The following TPRG1 variants were observed in gnomAD, a reference collection of about 807,000 sequenced individuals.
The protein encoded by TPRG1 is tumor protein p63 regulated 1, also known as tumor protein p63-regulated gene 1 protein.
Under a neutral mutation model 29.3 loss-of-function variants are expected in TPRG1, and 29 were observed. That is an observed-to-expected ratio of 0.99 (90% confidence interval 0.74 to 1.35). TPRG1 has a LOEUF of 1.35. TPRG1 is among the 40% of genes most tolerant of loss of function. The pLI, the probability that TPRG1 is intolerant of heterozygous loss-of-function variation, is 0.00. For missense variants in TPRG1, 327 were observed against 335.0 expected (o/e 0.98, Z 0.19); for synonymous variants, 130 against 116.8 (o/e 1.11, Z -0.73).
intron 1 of TPRG1, among the ~76,000 whole-genome samples, chr3:189,178,931 G>A (rs551800123): frequency 6.6e-6 from 1 of 152,312 alleles, no homozygotes; most frequent in Admixed American, 6.5e-5. Flanking sequence ...AAAGGAATTA[G>A]AACTCAGTGT....
chr3:189,251,482 C>G lies in TPRG1; in HGVS notation c.479+12573C>G. ...AAGTATAGAGAAAGAAATAAGGGGGCCCAGGGGACCAGCGTTCAGCATACG... is the reference window on the plus strand; with the variant it reads ...AAGTATAGAGAAAGAAATAAGGGGGGCCAGGGGACCAGCGTTCAGCATACG... On this transcript the variant is annotated intron_variant, in intron 4 of 5. Transcript: ENST00000345063. Among the ~76,000 whole-genome samples, 3 of 152,154 alleles carry G rather than the reference C, an allele frequency of 2.0e-5. No individual in the cohort carries two copies. In the Middle Eastern group the frequency reaches 0.01, roughly 518 times the overall value.
intron 4 of TPRG1, among the ~76,000 whole-genome samples, chr3:189,261,395 G>A (rs1022551417): frequency 1.3e-5 from 2 of 151,490 alleles, no homozygotes; most frequent in African/African-American, 4.9e-5. Context: ...GGCTTCAGAG[G>A]TGGTTTGTGG....
chr3:189,043,338 G>A lies in TPRG1; in HGVS notation c.-463+19392G>A, dbSNP rs1714751711. On this transcript the variant is annotated intron_variant, in intron 4 of 10. Transcript: ENST00000433971. ...CAAAGACCCTGAGGCTTGGAATGAG[G>A]AGTGTCAGATTGTGGAGATGCTTTC... Among the ~76,000 whole-genome samples the A allele has an allele frequency of 2.6e-5, 4 of 152,152 alleles. No individual in the cohort carries two copies. The South Asian group carries it at 8.3e-4, about 32-fold the overall frequency.
Position 189,215,334 on chromosome 3 carries a change from G to C in TPRG1, c.253G>C (p.Val85Leu). The C allele has an allele frequency of 1.2e-6, 2 of 1,611,878 alleles. No individual in the cohort carries two copies. Among genetic ancestry groups the C allele is most frequent in the Non-Finnish European group, 1.7e-6 (2 of 1,179,094 alleles). Reference sequence around the variant, plus strand: ...TGCCATGGAAGACTTGAAAGGTCACGTAGCTGAGACTTCTGGAGAGACCAT... The same window carrying C: ...TGCCATGGAAGACTTGAAAGGTCACCTAGCTGAGACTTCTGGAGAGACCAT... The part of the protein sequence containing the change: ...ETAMEDLKGH[V>L]AETSGETIQG... Residue 85 changes from valine to leucine, a missense_variant, in exon 3 of 6, where the codon GTA becomes CTA. Transcript: ENST00000345063.
chr3:189,199,580 C>T (rs1733117698), intron 1 of TPRG1, among the ~76,000 whole-genome samples: 1 of 152,238 alleles, frequency 6.6e-6, no homozygotes, highest in Non-Finnish European at 1.5e-5. Flanking sequence ...TGGCTTACGC[C>T]TGTAATCCCA....
chr3:189,260,836 C>T (rs1029044762), intron 4 of TPRG1, among the ~76,000 whole-genome samples: 2 of 152,076 alleles, frequency 1.3e-5, no homozygotes, highest in Admixed American at 6.6e-5. Flanking sequence ...AGGAGGGCAT[C>T]GCAGACATCA....
chr3:189,130,057 T>C (rs952285448), intron 2 of TPRG1, among the ~76,000 whole-genome samples: 5 of 152,200 alleles, frequency 3.3e-5, no homozygotes, highest in African/African-American at 9.6e-5. Context: ...ATGGCAATGA[T>C]AAGTGAATTG....
intron 1 of TPRG1, among the ~76,000 whole-genome samples, chr3:189,183,293 G>C: frequency 6.6e-6 from 1 of 152,120 alleles, no homozygotes; most frequent in Non-Finnish European, 1.5e-5. Flanking sequence ...ATAGGTGTGG[G>C]TCACAGAGAT....
intron 1 of TPRG1, among the ~76,000 whole-genome samples, chr3:189,196,725 A>G (rs1732595448): frequency 6.6e-6 from 1 of 152,148 alleles, no homozygotes; most frequent in African/African-American, 2.4e-5. Context: ...ATCATATCAC[A>G]CTGGTATTCT....
intron 1 of TPRG1, among the ~76,000 whole-genome samples, chr3:189,103,341 C>T (rs1235924592): frequency 6.6e-6 from 1 of 152,132 alleles, no homozygotes; most frequent in East Asian, 1.9e-4. Flanking sequence ...TTTGCAGTCC[C>T]CTTTCATCTA....
At chr3:189,109,072 G>T (rs1251907220) in intron 1 of TPRG1, among the ~76,000 whole-genome samples, 2 of 151,958 alleles carry the variant, frequency 1.3e-5, no homozygotes, top group Non-Finnish European at 2.9e-5. Context: ...GTATTTAAGG[G>T]TATAGACAAA....
chr3:189,141,601 A>G (rs1335689221), intron 3 of TPRG1, among the ~76,000 whole-genome samples: 1 of 152,250 alleles, frequency 6.6e-6, no homozygotes, highest in Non-Finnish European at 1.5e-5. Context: ...ATTACTATGG[A>G]ATAAGTGTTA....
At chr3:189,276,536 C>T (rs561575334) in intron 4 of TPRG1, among the ~76,000 whole-genome samples, 18 of 152,254 alleles carry the variant, frequency 1.2e-4, no homozygotes, top group African/African-American at 2.9e-4. Context: ...TGGTTTTCCT[C>T]CTTTTTTTCT....
chr3:189,113,442 C>T (rs1346265264), intron 1 of TPRG1, among the ~76,000 whole-genome samples: 5 of 152,042 alleles, frequency 3.3e-5, no homozygotes, highest in Non-Finnish European at 7.4e-5. Flanking sequence ...ACAGGGCATC[C>T]CTGTCTTGTG....
intron 4 of TPRG1, among the ~76,000 whole-genome samples, chr3:189,068,751 G>A (rs927995593): frequency 5.9e-5 from 9 of 151,712 alleles, no homozygotes; most frequent in East Asian, 3.9e-4. Flanking sequence ...ACTCCAGCCC[G>A]GATGATAGTG....
At chr3:189,208,364 GTT>G (rs1734732623) in intron 2 of TPRG1, among the ~76,000 whole-genome samples, 1 of 152,136 alleles carries the variant, frequency 6.6e-6, no homozygotes, top group African/African-American at 2.4e-5. Context: ...AAATCAGGGA[GTT>G]TACACTATGG....
intron 1 of TPRG1, among the ~76,000 whole-genome samples, chr3:189,185,790 T>C (rs1439650565): frequency 6.6e-6 from 1 of 152,214 alleles, no homozygotes; most frequent in Non-Finnish European, 1.5e-5. Context: ...CATTTTAATA[T>C]GTTACTTTCT....
intron 4 of TPRG1, among the ~76,000 whole-genome samples, chr3:189,292,660 C>T (rs143722962): frequency 6.6e-6 from 1 of 152,148 alleles, no homozygotes; most frequent in Non-Finnish European, 1.5e-5. Context: ...AGAACAATTT[C>T]AGGGGTGGCT....
chr3:189,284,889 C>T (rs1717784166), intron 4 of TPRG1, among the ~76,000 whole-genome samples: 1 of 152,184 alleles, frequency 6.6e-6, no homozygotes, highest in Non-Finnish European at 1.5e-5. Context: ...ACAAGGACTT[C>T]ATGTCTAAAA....
Sources: gnomAD v4.1 joint callset for allele counts (sites outside exome capture counted in the v4.1 genomes callset) on GRCh38, gnomAD v4.1.1 for gene constraint, MANE v1.5 for transcripts, NCBI Gene and HGNC (gene_info 2026-07-23, HGNC 2026-07-21) for gene names.